SHISA9: variants seen among roughly 807,000 people sequenced by gnomAD.
The protein encoded by SHISA9 is protein shisa-9.
SHISA9 carries 13 observed loss-of-function variants against 38.0 expected under a neutral mutation model. The ratio of observed to expected loss-of-function variants is 0.34; its 90% CI spans 0.22 to 0.54. The LOEUF (loss-of-function observed/expected upper bound fraction) is 0.54. SHISA9 is among the 20% of genes least tolerant of loss of function. SHISA9 has a pLI of 0.91. For synonymous variants in SHISA9, 275 were observed against 242.0 expected (o/e 1.14, Z -1.27); for missense variants, 538 against 575.8 (o/e 0.93, Z 0.67).
chr16:13,441,898 A>T, the SHISA9 span, among the ~76,000 whole-genome samples: 1 of 152,200 alleles, frequency 6.6e-6, no homozygotes, highest in African/African-American at 2.4e-5. Context: ...ACCCAAAGGG[A>T]TGTGCTGAAA....
intron 2 of SHISA9, among the ~76,000 whole-genome samples, chr16:12,979,061 A>G (rs1292010942): frequency 1.3e-5 from 2 of 152,176 alleles, no homozygotes; most frequent in African/African-American, 4.8e-5. Context: ...TCCACGTCTA[A>G]TCAGTCATCG....
rs1467030280 is a variant in SHISA9 at position 12,902,547 on chromosome 16, G to A, written c.483G>A (p.Val161=). The change falls in exon 1 of 5, where the codon GTG becomes GTA. Residue 161 remains valine (V), a synonymous_variant. Coordinates refer to ENST00000558583, the MANE Select transcript of SHISA9 (RefSeq NM_001145204.3). ...TCGTCTACATCATCTGCGGGGTGGTGGCCGTCATGGTGCTCGTGGGCATCT... is the reference window on the plus strand; with the variant it reads ...TCGTCTACATCATCTGCGGGGTGGTAGCCGTCATGGTGCTCGTGGGCATCT... The part of the protein sequence containing the change: ...NLIVYIICGV[V]AVMVLVGIFT... The A allele has an allele frequency of 6.4e-6, 10 of 1,551,338 alleles. No individual in the cohort carries two copies. In the South Asian group the frequency reaches 1.2e-4, roughly 18 times the overall value.
At chr16:13,366,083 A>C in the SHISA9 span, among the ~76,000 whole-genome samples, 1 of 152,202 alleles carries the variant, frequency 6.6e-6, no homozygotes, top group African/African-American at 2.4e-5. Flanking sequence ...GTGCTTTTAT[A>C]TCACTGTGGA....
the SHISA9 span, among the ~76,000 whole-genome samples, chr16:13,424,285 A>C: frequency 1.3e-5 from 2 of 152,260 alleles, no homozygotes; most frequent in Non-Finnish European, 2.9e-5. Flanking sequence ...AGCAACTGAT[A>C]AATGAATCAA....
the SHISA9 span, among the ~76,000 whole-genome samples, chr16:13,326,840 A>G: frequency 6.6e-6 from 1 of 151,972 alleles, no homozygotes; most frequent in African/African-American, 2.4e-5. Flanking sequence ...TGAGATACCC[A>G]GCACATAATA....
chr16:13,453,643 G>A, the SHISA9 span, among the ~76,000 whole-genome samples: 7 of 152,194 alleles, frequency 4.6e-5, no homozygotes, highest in South Asian at 4.1e-4. Context: ...GAGCCCACCC[G>A]AATTGGCAGA....
At chr16:13,295,149 T>G in the SHISA9 span, among the ~76,000 whole-genome samples, 2 of 152,348 alleles carry the variant, frequency 1.3e-5, no homozygotes, top group East Asian at 3.9e-4. Context: ...CACCAAATTT[T>G]TTTTAATTAG....
intron 2 of SHISA9, among the ~76,000 whole-genome samples, chr16:13,184,409 G>T (rs974295276): frequency 6.6e-6 from 1 of 152,148 alleles, no homozygotes; most frequent in African/African-American, 2.4e-5. Flanking sequence ...TGGAACACCA[G>T]CAGTTACTCT....
At chr16:13,496,056 C>T in the SHISA9 span, among the ~76,000 whole-genome samples, 1 of 152,022 alleles carries the variant, frequency 6.6e-6, no homozygotes, top group East Asian at 1.9e-4. Context: ...TTATGGATGA[C>T]CTGAATTTGT....
chr16:13,022,420 C>T (rs898894954), intron 2 of SHISA9, among the ~76,000 whole-genome samples: 1 of 152,150 alleles, frequency 6.6e-6, no homozygotes, highest in Non-Finnish European at 1.5e-5. Context: ...CAACCTCTGC[C>T]TCCCGGGTTC....
chr16:13,165,185 C>A (rs1259709046), intron 2 of SHISA9, among the ~76,000 whole-genome samples: 1 of 152,078 alleles, frequency 6.6e-6, no homozygotes, highest in African/African-American at 2.4e-5. Flanking sequence ...ATGCCTCCTC[C>A]TTTCTTCTCT....
chr16:13,054,466 C>G (rs977277401), intron 2 of SHISA9, among the ~76,000 whole-genome samples: 4 of 152,178 alleles, frequency 2.6e-5, no homozygotes, highest in African/African-American at 4.8e-5. Flanking sequence ...TTCTAGGAAC[C>G]AAGAAGTCTT....
the SHISA9 span, among the ~76,000 whole-genome samples, chr16:13,334,657 C>T: frequency 6.6e-6 from 1 of 151,642 alleles, no homozygotes; most frequent in Non-Finnish European, 1.5e-5. Context: ...GCCTGTAATC[C>T]CAGCTACTTG....
intron 4 of SHISA9, among the ~76,000 whole-genome samples, chr16:13,230,161 C>G (rs7191164): frequency 0.041 from 6,222 of 152,266 alleles, 447 homozygotes; most frequent in African/African-American, 0.14. Context: ...GAATGCCTGC[C>G]TCCCTGCTAG....
At chr16:13,014,453 G>T (rs969521856) in intron 2 of SHISA9, among the ~76,000 whole-genome samples, 1 of 152,218 alleles carries the variant, frequency 6.6e-6, no homozygotes, top group Non-Finnish European at 1.5e-5. Flanking sequence ...ATTAAGCAGA[G>T]CAAGTGATAA....
chr16:13,006,286 C>A (rs2072597291), intron 2 of SHISA9, among the ~76,000 whole-genome samples: 1 of 152,162 alleles, frequency 6.6e-6, no homozygotes, highest in African/African-American at 2.4e-5. Flanking sequence ...TGTTCCTTGT[C>A]TTCTAAATCT....
In SHISA9 at chr16:13,239,405, T is replaced by C. The variant is rs1185427019; in HGVS notation, c.*3996T>C. ...TTTCTAGTTCTAGATCCCTGAGGAA[T>C]CGCCACACTGACTTCCACAATGGTT... On this transcript the variant is annotated 3_prime_UTR_variant, in exon 5 of 5. Coordinates refer to ENST00000558583, the MANE Select transcript of SHISA9 (RefSeq NM_001145204.3). 3.3e-5 allele frequency: 5 copies of C among 151,490 alleles called. No individual in the cohort carries two copies. The allele number at this position is 151,490 out of a possible 1,614,324, so 9.4% of individuals were successfully genotyped here.
intron 2 of SHISA9, among the ~76,000 whole-genome samples, chr16:12,955,660 G>A (rs1052338238): frequency 2.0e-5 from 3 of 150,930 alleles, no homozygotes; most frequent in Admixed American, 6.6e-5. Context: ...ATGGGGAAAG[G>A]ACAGCCTTTT....
the SHISA9 span, among the ~76,000 whole-genome samples, chr16:13,265,354 C>G: frequency 8.9e-6 from 1 of 111,758 alleles, no homozygotes; most frequent in African/African-American, 3.6e-5. Flanking sequence ...TCTCCTTCCC[C>G]TCCACTTCCA....
Sources: gnomAD v4.1 joint callset for allele counts (sites outside exome capture counted in the v4.1 genomes callset) on GRCh38, gnomAD v4.1.1 for gene constraint, MANE v1.5 for transcripts, NCBI Gene and HGNC (gene_info 2026-07-23, HGNC 2026-07-21) for gene names.